The following CNTNAP5 variants were observed in gnomAD, a reference collection of about 807,000 sequenced individuals.
CNTNAP5 encodes contactin associated protein family member 5, also known as contactin-associated protein-like 5.
In CNTNAP5, 72 loss-of-function variants were observed where a neutral mutation model predicts 150.2. The ratio of observed to expected loss-of-function variants is 0.48; its 90% CI spans 0.40 to 0.58. The LOEUF is 0.58. CNTNAP5 is among the 20% of genes least tolerant of loss of function. The pLI, the probability that CNTNAP5 is intolerant of heterozygous loss-of-function variation, is 0.00. For missense variants in CNTNAP5, 1,636 were observed against 1,626.2 expected (o/e 1.01, Z -0.10); for synonymous variants, 672 against 619.8 (o/e 1.08, Z -1.25).
At chr2:124,050,786 A>G (rs1681675374) in intron 1 of CNTNAP5, among the ~76,000 whole-genome samples, 1 of 152,216 alleles carries the variant, frequency 6.6e-6, no homozygotes, top group African/African-American at 2.4e-5. Context: ...GATCTGAAAT[A>G]TCAGTCTCAC....
intron 3 of CNTNAP5, among the ~76,000 whole-genome samples, chr2:124,377,636 T>C (rs1690683432): frequency 6.6e-6 from 1 of 150,740 alleles, no homozygotes; most frequent in African/African-American, 2.4e-5. Context: ...GGTCTCGCCA[T>C]TGTACTCCAG....
At chr2:124,155,893 A>G (rs540416246) in intron 1 of CNTNAP5, among the ~76,000 whole-genome samples, 1 of 152,204 alleles carries the variant, frequency 6.6e-6, no homozygotes, top group Non-Finnish European at 1.5e-5. Flanking sequence ...GACCAAGTCT[A>G]TTGCAAATTC....
In CNTNAP5 at chr2:124,208,772, C is replaced by T. The variant is rs189381257; in HGVS notation, c.83-12933C>T. Among the ~76,000 whole-genome samples, 31 of 152,284 alleles carry T rather than the reference C, an allele frequency of 2.0e-4. No individual in the cohort carries two copies. The East Asian group carries it at 4.1e-3, about 20-fold the overall frequency. ...AGCTACTGAAAACTAAAAACATTCT[C>T]GTGTTACAACAATAGGATTTCAATT... On this transcript the variant is annotated intron_variant, in intron 1 of 23. Coordinates refer to ENST00000682447, the MANE Select transcript of CNTNAP5 (RefSeq NM_001367498.1).
At chr2:124,772,425 C>G in intron 16 of CNTNAP5, among the ~76,000 whole-genome samples, 1 of 152,156 alleles carries the variant, frequency 6.6e-6, no homozygotes, top group East Asian at 1.9e-4. Context: ...CCTAAGTCTC[C>G]TCCCTGCAGG....
chr2:124,173,534 A>G (rs1684986801), intron 1 of CNTNAP5, among the ~76,000 whole-genome samples: 1 of 152,222 alleles, frequency 6.6e-6, no homozygotes, highest in Non-Finnish European at 1.5e-5. Flanking sequence ...GATCAAACCA[A>G]CCACAGCATT....
chr2:124,344,213 A>C (rs1689685035), intron 3 of CNTNAP5, among the ~76,000 whole-genome samples: 1 of 152,150 alleles, frequency 6.6e-6, no homozygotes, highest in Non-Finnish European at 1.5e-5. Flanking sequence ...CCCAAAACTC[A>C]TGTCCTTCTC....
chr2:124,804,448 A>G (rs1181723505), intron 19 of CNTNAP5, among the ~76,000 whole-genome samples: 1 of 152,194 alleles, frequency 6.6e-6, no homozygotes, highest in African/African-American at 2.4e-5. Flanking sequence ...GAAGATTGCT[A>G]TGAACTGAGT....
At chr2:124,267,186 A>G (rs1181967451) in intron 3 of CNTNAP5, among the ~76,000 whole-genome samples, 2 of 152,292 alleles carry the variant, frequency 1.3e-5, no homozygotes, top group South Asian at 2.1e-4. Flanking sequence ...TGCCATCTCA[A>G]AAGCATACTT....
intron 6 of CNTNAP5, among the ~76,000 whole-genome samples, chr2:124,454,381 T>G (rs552829213): frequency 1.3e-5 from 2 of 152,286 alleles, no homozygotes; most frequent in South Asian, 4.1e-4. Flanking sequence ...CACCTAACTC[T>G]GGAGCTCCCA....
chr2:124,340,252 G>T (rs1019296621), intron 3 of CNTNAP5, among the ~76,000 whole-genome samples: 2 of 152,196 alleles, frequency 1.3e-5, no homozygotes, highest in African/African-American at 4.8e-5. Context: ...CAGCTTAGAA[G>T]TCAGAAGCAA....
At chr2:124,115,916 TACAGGCATCAGCC>T (rs1401891247) in intron 1 of CNTNAP5, among the ~76,000 whole-genome samples, 36 of 151,796 alleles carry the variant, frequency 2.4e-4, no homozygotes, top group African/African-American at 8.2e-4. Context: ...GTGCTGGGAT[TACAGGCATCAGCC>T]ACCATGCTTA....
At chr2:124,381,632 G>A (rs558627705) in intron 3 of CNTNAP5, among the ~76,000 whole-genome samples, 66 of 152,142 alleles carry the variant, frequency 4.3e-4, no homozygotes, top group South Asian at 4.2e-4. Flanking sequence ...TTTCAGGGTC[G>A]GGGTAAAGTG....
chr2:124,466,308 T>C (rs961735855), intron 6 of CNTNAP5, among the ~76,000 whole-genome samples: 6 of 152,170 alleles, frequency 3.9e-5, no homozygotes, highest in African/African-American at 1.4e-4. Flanking sequence ...TCCTATCCTA[T>C]GGCACCAACT....
chr2:124,477,321 AT>A (rs1198415840), intron 7 of CNTNAP5, among the ~76,000 whole-genome samples: 1 of 152,100 alleles, frequency 6.6e-6, no homozygotes, highest in African/African-American at 2.4e-5. Context: ...ATCTATAAGA[AT>A]TTTTTTGTGT....
chr2:124,444,028 C>T (rs947988926), intron 5 of CNTNAP5, among the ~76,000 whole-genome samples: 1 of 152,056 alleles, frequency 6.6e-6, no homozygotes, highest in African/African-American at 2.4e-5. Context: ...GTTTATAAAG[C>T]ATAGTTTCCT....
At chr2:124,122,914 A>ATATATC in intron 1 of CNTNAP5, among the ~76,000 whole-genome samples, 1 of 152,004 alleles carries the variant, frequency 6.6e-6, no homozygotes, top group African/African-American at 2.4e-5. Flanking sequence ...ATATATATAT[A>ATATATC]TATCTCACAT....
chr2:124,850,258 G>A (rs941557741), intron 19 of CNTNAP5, among the ~76,000 whole-genome samples: 2 of 152,078 alleles, frequency 1.3e-5, no homozygotes, highest in African/African-American at 4.8e-5. Flanking sequence ...TGTAAAATAA[G>A]GTCTTAACAG....
At chr2:124,199,469 G>A (rs1287672510) in intron 1 of CNTNAP5, among the ~76,000 whole-genome samples, 1 of 135,380 alleles carries the variant, frequency 7.4e-6, no homozygotes, top group East Asian at 2.3e-4. Flanking sequence ...AGGCTGGAGT[G>A]CAATAACATG....
intron 3 of CNTNAP5, among the ~76,000 whole-genome samples, chr2:124,283,858 T>G (rs1265051438): frequency 2.6e-5 from 4 of 152,168 alleles, no homozygotes; most frequent in African/African-American, 9.7e-5. Flanking sequence ...AGGGCACTAA[T>G]CTCATTTATG....
Sources: allele counts gnomAD v4.1 joint callset (sites outside exome capture counted in the v4.1 genomes callset), GRCh38; gene constraint gnomAD v4.1.1; transcripts MANE v1.5; gene names NCBI Gene and HGNC (gene_info 2026-07-23, HGNC 2026-07-21).